WDR72: variants seen among roughly 807,000 people sequenced by gnomAD.
WDR72 encodes the protein WD repeat domain 72, also known as WD repeat-containing protein 72.
Under a neutral mutation model 124.2 loss-of-function variants are expected in WDR72, and 120 were observed. That is an observed-to-expected ratio of 0.97 (90% CI 0.83 to 1.12). The LOEUF (loss-of-function observed/expected upper bound fraction) is 1.12. Among genes scored for constraint, WDR72 ranks in the 50% most tolerant of loss-of-function variants. The pLI is 0.00. For missense variants in WDR72, 1,387 were observed against 1,278.8 expected, an observed-to-expected ratio of 1.08 and a Z score of -1.29; for synonymous variants, 452 against 441.7, an observed-to-expected ratio of 1.02 and a Z score of -0.29.
chr15:53,686,245 C>A (rs1485282375), intron 13 of WDR72, among the ~76,000 whole-genome samples: 71 of 151,856 alleles, frequency 4.7e-4, no homozygotes, highest in African/African-American at 1.5e-3. Flanking sequence ...TAAATGCTCC[C>A]ATTAAAAGAC....
intron 14 of WDR72, among the ~76,000 whole-genome samples, chr15:53,632,764 C>A (rs1321805970): frequency 6.6e-6 from 1 of 152,236 alleles, no homozygotes; most frequent in East Asian, 1.9e-4. Flanking sequence ...TATTTTGGAG[C>A]TTTAAGATTT....
chr15:53,668,104 T>C (rs1240952952), intron 13 of WDR72, among the ~76,000 whole-genome samples: 5 of 152,202 alleles, frequency 3.3e-5, no homozygotes, highest in Admixed American at 3.3e-4. Flanking sequence ...ATCTGAAAAC[T>C]GATAAGCTGC....
intron 4 of WDR72, 112 bp from the exon 5 acceptor site, chr15:53,715,479 T>C (rs887632106): frequency 3.1e-6 from 4 of 1,270,128 alleles, no homozygotes; most frequent in South Asian, 2.6e-5. Context: ...AATTAAGGTA[T>C]TGAACTGAAT....
chr15:53,754,447 C>T (rs1052554321), intron 1 of WDR72, among the ~76,000 whole-genome samples: 2 of 152,058 alleles, frequency 1.3e-5, no homozygotes, highest in African/African-American at 4.8e-5. Flanking sequence ...CTTTCTAAAA[C>T]ATCCTGGCCT....
At chr15:53,583,229 T>C (rs1311703600) in intron 18 of WDR72, among the ~76,000 whole-genome samples, 2 of 152,038 alleles carry the variant, frequency 1.3e-5, no homozygotes, top group African/African-American at 2.4e-5. Flanking sequence ...AATTACTTCA[T>C]TTGATGTATG....
Position 53,742,371 on chromosome 15 carries a change from A to T in WDR72, c.-12-9210T>A, listed in dbSNP as rs555461060. ...AAAGTTATGTTCCTGACAGAAGTAC[A>T]CCTGTTGTGTTTCAAATAATTATGT... On this transcript the variant is annotated intron_variant, in intron 1 of 19. Transcript: ENST00000360509. 6.6e-5 allele frequency among the ~76,000 whole-genome samples: 10 copies of T among 152,306 alleles called. No homozygotes were observed. In the South Asian group the frequency reaches 2.1e-3, roughly 32 times the overall value.
intron 14 of WDR72, among the ~76,000 whole-genome samples, chr15:53,651,375 C>T (rs1449547550): frequency 6.6e-6 from 1 of 152,152 alleles, no homozygotes; most frequent in Non-Finnish European, 1.5e-5. Flanking sequence ...ATCTGACAGT[C>T]TTGTTTTGTT....
intron 17 of WDR72, among the ~76,000 whole-genome samples, chr15:53,606,144 A>C (rs769167339): frequency 1.3e-5 from 2 of 152,184 alleles, no homozygotes; most frequent in Non-Finnish European, 2.9e-5. Context: ...CTGTTAGTCC[A>C]AACATGCCCA....
chr15:53,669,540 T>A (rs1225213627), intron 13 of WDR72, among the ~76,000 whole-genome samples: 1 of 152,220 alleles, frequency 6.6e-6, no homozygotes, highest in Non-Finnish European at 1.5e-5. Flanking sequence ...CAATTCTTTA[T>A]ACTAAATTTT....
chr15:53,755,778 A>C (rs1325687336), intron 1 of WDR72, among the ~76,000 whole-genome samples: 2 of 152,176 alleles, frequency 1.3e-5, no homozygotes, highest in Non-Finnish European at 2.9e-5. Context: ...GCTGCACTTA[A>C]CCCTGCTGGG....
chr15:53,597,816 A>G (rs760820943), intron 17 of WDR72, among the ~76,000 whole-genome samples: 3 of 152,138 alleles, frequency 2.0e-5, no homozygotes, highest in Admixed American at 6.6e-5. Flanking sequence ...ACGTCTTCCA[A>G]TTGCTGTGTG....
At chr15:53,638,538 T>C (rs922300884) in intron 14 of WDR72, among the ~76,000 whole-genome samples, 2 of 152,006 alleles carry the variant, frequency 1.3e-5, no homozygotes, top group Admixed American at 6.6e-5. Context: ...AATATCCTTC[T>C]AGATTTGTAA....
At position 53,676,844 on chromosome 15, in the gene WDR72, G is replaced by A. The variant is rs542099115; in HGVS notation, c.1766-11076C>T. The stretch of plus-strand genomic sequence containing the variant: ...GAAATTAATATAACCAGGACTTGTG[G>A]CAGTACTTTTACTCAGAACAACATA... On this transcript the variant is annotated intron_variant, in intron 13 of 19. Coordinates refer to ENST00000360509, the MANE Select transcript of WDR72 (RefSeq NM_182758.4). Among the ~76,000 whole-genome samples the A allele has an allele frequency of 2.6e-5, 4 of 151,912 alleles. No individual in the cohort carries two copies. The South Asian group carries it at 6.2e-4, about 24-fold the overall frequency.
Position 53,750,812 on chromosome 15 carries a change from T to C in WDR72, c.-13+8821A>G, listed in dbSNP as rs377711104. Among the ~76,000 whole-genome samples, 12 of 152,202 alleles carry C rather than the reference T, an allele frequency of 7.9e-5. 1 individual carries two copies. The South Asian group carries it at 1.2e-3, about 16-fold the overall frequency. On this transcript the variant is annotated intron_variant, in intron 1 of 19. Transcript: ENST00000360509. ...GAAGTAACTGCAGACGTGGTGGAAA[T>C]AGCAAGAGAACTAGAATTAAAAGTA... is the stretch of plus-strand genomic sequence containing the variant.
intron 11 of WDR72, among the ~76,000 whole-genome samples, chr15:53,704,727 T>A (rs1159044727): frequency 7.3e-6 from 1 of 136,178 alleles, no homozygotes; most frequent in Non-Finnish European, 1.6e-5. Flanking sequence ...AGAAATGGGG[T>A]TTCACCGTGT....
At chr15:53,607,255 TA>T (rs984421864) in intron 17 of WDR72, among the ~76,000 whole-genome samples, 17 of 147,216 alleles carry the variant, frequency 1.2e-4, no homozygotes, top group South Asian at 2.2e-4. Context: ...CTCTCAGAAT[TA>T]AAAAAAAAAG....
chr15:53,539,755 T>C (rs1892971161), intron 18 of WDR72, among the ~76,000 whole-genome samples: 1 of 152,010 alleles, frequency 6.6e-6, no homozygotes, highest in South Asian at 2.1e-4. Context: ...TAAAAGAACA[T>C]ATATAGTTTC....
intron 1 of WDR72, among the ~76,000 whole-genome samples, chr15:53,737,110 T>C (rs906415943): frequency 6.6e-6 from 1 of 151,866 alleles, no homozygotes; most frequent in Middle Eastern, 3.4e-3. Flanking sequence ...TGAGCTTACA[T>C]AGCATCTCTA....
At chr15:53,633,541 A>G (rs772111305) in intron 14 of WDR72, among the ~76,000 whole-genome samples, 8 of 152,228 alleles carry the variant, frequency 5.3e-5, no homozygotes, top group Non-Finnish European at 5.9e-5. Flanking sequence ...TAAAATTAAC[A>G]AAACAATTCT....
Sources: gnomAD v4.1 joint callset for allele counts (sites outside exome capture counted in the v4.1 genomes callset) on GRCh38, gnomAD v4.1.1 for gene constraint, MANE v1.5 for transcripts, NCBI Gene and HGNC (gene_info 2026-07-23, HGNC 2026-07-21) for gene names.